SOX6: variants seen among roughly 807,000 people sequenced by gnomAD.
SOX6 encodes the protein transcription factor SOX-6.
A neutral mutation model predicts 97.8 loss-of-function variants in SOX6; 11 were observed. The observed-to-expected ratio is 0.11, with a 90% confidence interval of 0.07 to 0.19. SOX6 has a LOEUF of 0.19. SOX6 is among the 10% of genes least tolerant of loss of function. The pLI is 1.00. For synonymous variants in SOX6, 360 were observed against 371.4 expected, an observed-to-expected ratio of 0.97 and a Z score of 0.35; for missense variants, 810 against 1,039.5, an observed-to-expected ratio of 0.78 and a Z score of 3.04.
chr11:16,135,427 G>C (rs1849935572), intron 6 of SOX6, among the ~76,000 whole-genome samples: 2 of 152,156 alleles, frequency 1.3e-5, no homozygotes, highest in South Asian at 4.1e-4. Context: ...TGCCATTCTA[G>C]ATGACATTAA....
chr11:16,644,750 G>C lies in SOX6; in HGVS notation n.430-32490C>G, dbSNP rs567060042. On this transcript the variant is annotated intron_variant and non_coding_transcript_variant, in intron 3 of 5. Coordinates refer to the SOX6 transcript ENST00000524520. ...TATATTCTCTGTTTGTTGGGTGTAG[G>C]AGTCCATAGTATCTATAGATCAAAC... is the stretch of plus-strand genomic sequence containing the variant. 1.8e-3 allele frequency among the ~76,000 whole-genome samples: 271 copies of C among 152,180 alleles called. 6 individuals carry two copies. The highest frequency in any genetic ancestry group is 2.2e-3 in the Non-Finnish European group (152 of 68,008).
chr11:16,153,395 G>A (rs1032305869), intron 6 of SOX6, among the ~76,000 whole-genome samples: 5 of 152,072 alleles, frequency 3.3e-5, no homozygotes, highest in Admixed American at 6.6e-5. Context: ...TTTGTTTGGC[G>A]ATATGTCATC....
intron 3 of SOX6, among the ~76,000 whole-genome samples, chr11:16,709,383 C>A (rs1006234264): frequency 1.9e-4 from 29 of 152,114 alleles, no homozygotes; most frequent in African/African-American, 6.7e-4. Flanking sequence ...CTGGGCATGG[C>A]CACAAGCACT....
At chr11:16,107,672 C>T (rs1027801481) in intron 7 of SOX6, among the ~76,000 whole-genome samples, 1 of 151,688 alleles carries the variant, frequency 6.6e-6, no homozygotes, top group African/African-American at 2.4e-5. Flanking sequence ...ATGGCTACAG[C>T]ATTTTTGTTG....
chr11:16,510,560 G>C (rs1163134942), intron 4 of SOX6, among the ~76,000 whole-genome samples: 22 of 151,776 alleles, frequency 1.4e-4, no homozygotes, highest in Non-Finnish European at 5.9e-5. Flanking sequence ...TAAAGCAAGG[G>C]CAATTTAGTT....
intron 4 of SOX6, among the ~76,000 whole-genome samples, chr11:16,210,108 C>T (rs1194508296): frequency 6.6e-6 from 1 of 152,068 alleles, no homozygotes; most frequent in African/African-American, 2.4e-5. Context: ...AACAGAGTTA[C>T]TAGATGACCC....
intron 1 of SOX6, among the ~76,000 whole-genome samples, chr11:16,398,052 T>C (rs1858412523): frequency 6.6e-6 from 1 of 151,542 alleles, no homozygotes; most frequent in Non-Finnish European, 1.5e-5. Context: ...ATGGCAATTT[T>C]CTGCAAATGC....
intron 3 of SOX6, among the ~76,000 whole-genome samples, chr11:16,290,354 G>T (rs1304735368): frequency 3.3e-5 from 5 of 151,930 alleles, no homozygotes; most frequent in African/African-American, 1.2e-4. Flanking sequence ...AATATTTGGG[G>T]TTATTAGCAT....
intron 4 of SOX6, among the ~76,000 whole-genome samples, chr11:16,497,534 G>C (rs766984850): frequency 2.0e-5 from 3 of 152,092 alleles, no homozygotes; most frequent in Non-Finnish European, 4.4e-5. Context: ...AAAGGAGGAA[G>C]TTCAAACCCA....
intron 4 of SOX6, among the ~76,000 whole-genome samples, chr11:16,506,781 C>G (rs1236782062): frequency 6.6e-6 from 1 of 152,096 alleles, no homozygotes; most frequent in Non-Finnish European, 1.5e-5. Context: ...GTGTGTAACA[C>G]AGCCAGGCAT....
intron 4 of SOX6, among the ~76,000 whole-genome samples, chr11:16,487,403 C>T (rs1441639082): frequency 6.6e-6 from 1 of 152,082 alleles, no homozygotes; most frequent in African/African-American, 2.4e-5. Context: ...AGCATAATCC[C>T]AGACCTCCAG....
intron 2 of SOX6, among the ~76,000 whole-genome samples, chr11:16,328,257 T>C (rs1229143167): frequency 2.0e-5 from 3 of 152,296 alleles, no homozygotes; most frequent in South Asian, 2.1e-4. Flanking sequence ...TGGTTCACTA[T>C]GGTATATATT....
intron 4 of SOX6, among the ~76,000 whole-genome samples, chr11:16,577,988 T>C (rs1020699308): frequency 2.0e-5 from 3 of 152,156 alleles, no homozygotes; most frequent in African/African-American, 7.2e-5. Context: ...TAAGAAACTA[T>C]TGCCTATCCA....
chr11:16,302,961 T>C (rs1247792423), intron 3 of SOX6, among the ~76,000 whole-genome samples: 1 of 147,662 alleles, frequency 6.8e-6, no homozygotes, highest in Non-Finnish European at 1.5e-5. Context: ...TCCTACTAAA[T>C]TATGAGCTAC....
intron 4 of SOX6, among the ~76,000 whole-genome samples, chr11:16,527,553 T>C (rs1211972490): frequency 6.6e-6 from 1 of 152,142 alleles, no homozygotes; most frequent in East Asian, 1.9e-4. Flanking sequence ...CCATGTGACT[T>C]CTTTTGCCTC....
At chr11:16,074,556 A>G (rs544409221) in intron 9 of SOX6, among the ~76,000 whole-genome samples, 11 of 152,306 alleles carry the variant, frequency 7.2e-5, no homozygotes, top group Non-Finnish European at 1.2e-4. Flanking sequence ...AACTATTTCT[A>G]TATACCAACA....
Position 16,471,652 on chromosome 11 carries a change from G to A in SOX6, c.-5+4663C>T, listed in dbSNP as rs1213444351. On this transcript the variant is annotated intron_variant, in intron 1 of 15. Transcript: ENST00000396356. ...ATCGTTTTAGAAGCCTCATCTTTCA[G>A]TCTAAGTGGTTGAACAGTTTCCACA... is the stretch of plus-strand genomic sequence containing the variant. Among the ~76,000 whole-genome samples, 5 of 152,138 alleles carry A rather than the reference G, an allele frequency of 3.3e-5. No homozygotes were observed. The East Asian group carries it at 9.6e-4, about 29-fold the overall frequency.
chr11:16,728,080 A>T (rs1048639885), intron 2 of SOX6, among the ~76,000 whole-genome samples: 8 of 152,204 alleles, frequency 5.3e-5, no homozygotes, highest in Non-Finnish European at 2.9e-5. Flanking sequence ...GAAAGGCAGC[A>T]GCCCCAGTGA....
chr11:16,361,153 C>T (rs1857202906), upstream of SOX6, among the ~76,000 whole-genome samples: 1 of 152,026 alleles, frequency 6.6e-6, no homozygotes, highest in Non-Finnish European at 1.5e-5. Context: ...ACAGAGTAAA[C>T]TCTGTAAAAT....
Sources: gnomAD v4.1 joint callset for allele counts (sites outside exome capture counted in the v4.1 genomes callset) on GRCh38, gnomAD v4.1.1 for gene constraint, MANE v1.5 for transcripts, NCBI Gene and HGNC (gene_info 2026-07-23, HGNC 2026-07-21) for gene names.